NT5C2: variants seen among roughly 807,000 people sequenced by gnomAD.
NT5C2 encodes 5'-nucleotidase, cytosolic II.
Under a neutral mutation model 76.1 loss-of-function variants are expected in NT5C2, and 58 were observed. The observed-to-expected ratio is 0.76, with a 90% CI of 0.62 to 0.95. The LOEUF (loss-of-function observed/expected upper bound fraction) is 0.95. Among genes scored for constraint, NT5C2 ranks in the 40% least tolerant of loss-of-function variants. The pLI is 0.00. For missense variants in NT5C2, 478 were observed against 690.3 expected, an observed-to-expected ratio of 0.69 and a Z score of 3.45; for synonymous variants, 229 against 237.4, an observed-to-expected ratio of 0.96 and a Z score of 0.32.
chr10:103,174,758 G>T, intron 3 of NT5C2, 100 bp downstream of exon 3: 1 of 813,736 alleles, frequency 1.2e-6, no homozygotes, highest in Non-Finnish European at 2.1e-6. Context: ...ATACGATCTG[G>T]GTTATTTACT....
chr10:103,144,793 G>A (rs932324025), intron 3 of NT5C2, among the ~76,000 whole-genome samples: 11 of 152,252 alleles, frequency 7.2e-5, no homozygotes, highest in African/African-American at 2.2e-4. Context: ...GAAAGAGCTA[G>A]GACAGACTTT....
chr10:103,165,275 C>T (rs2086077430), intron 3 of NT5C2, among the ~76,000 whole-genome samples: 1 of 152,128 alleles, frequency 6.6e-6, no homozygotes, highest in Non-Finnish European at 1.5e-5. Flanking sequence ...GGGTGGATCA[C>T]CTGAGGTCAG....
intron 11 of NT5C2, among the ~76,000 whole-genome samples, chr10:103,097,017 C>T (rs1015461103): frequency 5.9e-5 from 9 of 151,936 alleles, no homozygotes; most frequent in Non-Finnish European, 1.5e-5. Context: ...CAAAGAGACA[C>T]AAAAGCCATT....
At chr10:103,162,636 T>C (rs1019440762) in intron 3 of NT5C2, among the ~76,000 whole-genome samples, 2 of 152,174 alleles carry the variant, frequency 1.3e-5, no homozygotes, top group Non-Finnish European at 2.9e-5. Context: ...AAAACTATTT[T>C]GCGGTATCTA....
At chr10:103,167,748 T>TA (rs200643972) in intron 3 of NT5C2, among the ~76,000 whole-genome samples, 6,371 of 152,168 alleles carry the variant, frequency 0.042, 142 homozygotes, top group Non-Finnish European at 0.052. Flanking sequence ...CCTCCCGCCT[T>TA]AGACTCCTGA....
intron 3 of NT5C2, among the ~76,000 whole-genome samples, chr10:103,159,401 A>G (rs564995010): frequency 6.6e-6 from 1 of 152,312 alleles, no homozygotes; most frequent in African/African-American, 2.4e-5. Context: ...AAATAAAATT[A>G]AGAAAACAAT....
intron 3 of NT5C2, among the ~76,000 whole-genome samples, chr10:103,172,712 G>A (rs1221576058): frequency 6.6e-6 from 1 of 152,090 alleles, no homozygotes; most frequent in Non-Finnish European, 1.5e-5. Context: ...GGCCACACCT[G>A]TAATCCCAGC....
chr10:103,170,558 C>T (rs1179671767), intron 3 of NT5C2, among the ~76,000 whole-genome samples: 1 of 140,998 alleles, frequency 7.1e-6, no homozygotes, highest in Non-Finnish European at 1.5e-5. Context: ...GAGACATGCT[C>T]TCATTCTGTC....
At chr10:103,119,106 A>T (rs1379461859) in intron 4 of NT5C2, among the ~76,000 whole-genome samples, 1 of 152,174 alleles carries the variant, frequency 6.6e-6, no homozygotes, top group Non-Finnish European at 1.5e-5. Context: ...ACAGTGGCTC[A>T]CACCTGTAAT....
chr10:103,170,626 G>A (rs2087708756), intron 3 of NT5C2, among the ~76,000 whole-genome samples: 1 of 149,312 alleles, frequency 6.7e-6, no homozygotes, highest in Non-Finnish European at 1.5e-5. Context: ...AGACGCAGGT[G>A]ATCCTCCCAC....
intron 1 of NT5C2, among the ~76,000 whole-genome samples, chr10:103,186,391 T>C (rs756415225): frequency 2.6e-5 from 4 of 152,246 alleles, no homozygotes; most frequent in Non-Finnish European, 4.4e-5. Context: ...GAATGAGTAA[T>C]AGGCTTCTAC....
At chr10:103,151,537 A>G (rs915603023) in intron 3 of NT5C2, among the ~76,000 whole-genome samples, 2 of 151,892 alleles carry the variant, frequency 1.3e-5, no homozygotes, top group African/African-American at 4.8e-5. Flanking sequence ...AATTGATTAT[A>G]TATATGTGGG....
Position 103,090,694 on chromosome 10 carries a change from G to GC in NT5C2, c.1365dup (p.Arg456AlafsTer4). The GC allele has an allele frequency of 6.2e-7, 1 of 1,614,092 alleles. No homozygotes were observed. The highest frequency in any genetic ancestry group is 8.5e-7 in the Non-Finnish European group (1 of 1,179,984). On this transcript the variant is annotated frameshift_variant, in exon 18 of 19. Transcript: ENST00000404739. LOFTEE classifies it high-confidence loss of function. ...GATGCTGCATAGAGGTCAGCATAACGCATCACTTGACTGGCAAAAAGGGTC... is the reference window on the plus strand; with the variant it reads ...GATGCTGCATAGAGGTCAGCATAACGCCATCACTTGACTGGCAAAAAGGGTC...
At chr10:103,118,889 T>TTA (rs2075037376) in intron 4 of NT5C2, among the ~76,000 whole-genome samples, 1 of 152,160 alleles carries the variant, frequency 6.6e-6, no homozygotes, top group Admixed American at 6.5e-5. Context: ...AATACTCAGC[T>TTA]TATTCTCTTA....
At position 103,099,515 on chromosome 10, in the gene NT5C2, T is replaced by C. The variant is rs368366369; in HGVS notation, c.633+411A>G. 6.6e-4 allele frequency among the ~76,000 whole-genome samples: 101 copies of C among 152,370 alleles called. No homozygotes were observed. In the East Asian group the frequency reaches 0.015, roughly 22 times the overall value. ...ATATAAAACAGTTTCTATTTTAAGTTTGAAATTAAAAGGCATTTCATATTT... is the reference window on the plus strand; with the variant it reads ...ATATAAAACAGTTTCTATTTTAAGTCTGAAATTAAAAGGCATTTCATATTT... On this transcript the variant is annotated intron_variant, in intron 9 of 18. Coordinates refer to ENST00000404739, the MANE Select transcript of NT5C2 (RefSeq NM_001351169.2).
At chr10:103,167,046 C>T (rs1365530966) in intron 3 of NT5C2, among the ~76,000 whole-genome samples, 2 of 147,902 alleles carry the variant, frequency 1.4e-5, no homozygotes, top group African/African-American at 2.5e-5. Flanking sequence ...GAGACAGTCT[C>T]GCTCTGTCAC....
chr10:103,189,672 T>C (rs1214050528), intron 1 of NT5C2, among the ~76,000 whole-genome samples: 1 of 151,302 alleles, frequency 6.6e-6, no homozygotes, highest in Non-Finnish European at 1.5e-5. Context: ...TTTCTTTTAC[T>C]GTTTACTGAA....
chr10:103,176,571 T>C (rs2089998346), intron 2 of NT5C2, among the ~76,000 whole-genome samples: 1 of 152,216 alleles, frequency 6.6e-6, no homozygotes, highest in Non-Finnish European at 1.5e-5. Context: ...TCTAGGTTTT[T>C]GGTTTGTTTT....
chr10:103,105,029 C>T (rs1396992172), intron 6 of NT5C2, among the ~76,000 whole-genome samples: 1 of 151,976 alleles, frequency 6.6e-6, no homozygotes, highest in African/African-American at 2.4e-5. Flanking sequence ...CAAATTGTGG[C>T]ATTATGATTT....
Sources: allele counts gnomAD v4.1 joint callset (sites outside exome capture counted in the v4.1 genomes callset), GRCh38; gene constraint gnomAD v4.1.1; transcripts MANE v1.5; gene names NCBI Gene and HGNC (gene_info 2026-07-23, HGNC 2026-07-21).